PDE3B: variants seen among roughly 807,000 people sequenced by gnomAD.
PDE3B encodes phosphodiesterase 3B.
PDE3B carries 66 observed loss-of-function variants against 116.8 expected under a neutral mutation model. The ratio of observed to expected loss-of-function variants is 0.56; its 90% confidence interval spans 0.46 to 0.69. The LOEUF is 0.69. Among genes scored for constraint, PDE3B ranks in the 30% least tolerant of loss-of-function variants. PDE3B has a pLI of 0.00. For missense variants in PDE3B, 1,384 were observed against 1,368.1 expected (o/e 1.01, Z -0.18); for synonymous variants, 595 against 533.6 (o/e 1.12, Z -1.59).
At chr11:14,661,019 A>C (rs917116950) in intron 1 of PDE3B, among the ~76,000 whole-genome samples, 9 of 152,230 alleles carry the variant, frequency 5.9e-5, no homozygotes, top group Admixed American at 2.6e-4. Context: ...GTCAGGAAAC[A>C]ACAGGTGCTG....
At chr11:14,706,066 T>C (rs950982856) in intron 1 of PDE3B, among the ~76,000 whole-genome samples, 2 of 151,798 alleles carry the variant, frequency 1.3e-5, no homozygotes, top group African/African-American at 4.8e-5. Context: ...TGTTAGACTG[T>C]TGGAGTAAGT....
chr11:14,808,984 C>G (rs1859037476), intron 5 of PDE3B, among the ~76,000 whole-genome samples: 1 of 152,052 alleles, frequency 6.6e-6, no homozygotes, highest in South Asian at 2.1e-4. Context: ...TCAGCTTTGC[C>G]AAAATTGACA....
chr11:14,663,714 A>G (rs1854018996), intron 1 of PDE3B, among the ~76,000 whole-genome samples: 1 of 152,240 alleles, frequency 6.6e-6, no homozygotes, highest in South Asian at 2.1e-4. Flanking sequence ...CAACAAGAAG[A>G]GCTAACTATC....
At chr11:14,874,164 C>T (rs572138211), downstream of PDE3B, among the ~76,000 whole-genome samples, 5 of 152,216 alleles carry the variant, frequency 3.3e-5, no homozygotes, top group African/African-American at 1.2e-4. Flanking sequence ...CTTATGTTTT[C>T]TGGCTTGAAT....
chr11:14,856,125 G>A (rs1233669333), intron 12 of PDE3B, among the ~76,000 whole-genome samples: 1 of 152,198 alleles, frequency 6.6e-6, no homozygotes. Context: ...TAGTGAGGGA[G>A]TTGTCATGAG....
intron 14 of PDE3B, among the ~76,000 whole-genome samples, chr11:14,865,601 G>A (rs1379387976): frequency 6.6e-6 from 1 of 152,124 alleles, no homozygotes; most frequent in Non-Finnish European, 1.5e-5. Context: ...ATGCCGTACT[G>A]TATAATCATG....
chr11:14,664,835 G>T (rs528972206), intron 1 of PDE3B, among the ~76,000 whole-genome samples: 10 of 152,088 alleles, frequency 6.6e-5, no homozygotes, highest in Non-Finnish European at 1.5e-4. Flanking sequence ...TTATACCAGA[G>T]GTACAAGGAG....
At chr11:14,667,697 G>C (rs1854217454) in intron 1 of PDE3B, among the ~76,000 whole-genome samples, 1 of 151,332 alleles carries the variant, frequency 6.6e-6, no homozygotes, top group African/African-American at 2.4e-5. Context: ...GTGGGGTTGG[G>C]GGAGGGTGGA....
chr11:14,887,162 C>T, the PDE3B span: 1 of 152,138 alleles, frequency 6.6e-6, no homozygotes, highest in Non-Finnish European at 1.5e-5. Flanking sequence ...TTAGCAGAGA[C>T]AATAAAAAGA....
At position 14,672,277 on chromosome 11, in the gene PDE3B, C is replaced by A. The variant is rs546591862; in HGVS notation, c.978+27224C>A. On this transcript the variant is annotated intron_variant, in intron 1 of 15. Transcript: ENST00000282096. ...TTAAGTGAATTCATGAAACTTCTATCTGAACACAGGGCTTTTTATAGCTAT... is the reference window on the plus strand; with the variant it reads ...TTAAGTGAATTCATGAAACTTCTATATGAACACAGGGCTTTTTATAGCTAT... Among the ~76,000 whole-genome samples, 20 of 151,848 alleles carry A rather than the reference C, an allele frequency of 1.3e-4. 1 individual carries two copies. In the South Asian group the frequency reaches 4.2e-3, roughly 32 times the overall value.
At position 14,667,340 on chromosome 11, in the gene PDE3B, C is replaced by T. The variant is rs572123769; in HGVS notation, c.978+22287C>T. Among the ~76,000 whole-genome samples the T allele has an allele frequency of 1.3e-3, 198 of 150,752 alleles. 1 individual carries two copies. The highest frequency in any genetic ancestry group is 2.1e-3 in the African/African-American group (87 of 40,950). On this transcript the variant is annotated intron_variant, in intron 1 of 15. Transcript: ENST00000282096. ...AGGAGATACACCTAATGCTAAATGA[C>T]GAGTTAATGAGTGCAGCACACCAGC...
chr11:14,760,407 G>C (rs972934759), intron 1 of PDE3B, among the ~76,000 whole-genome samples: 1 of 152,070 alleles, frequency 6.6e-6, no homozygotes, highest in Non-Finnish European at 1.5e-5. Context: ...AATCAAAGTA[G>C]GAACAAATCA....
At chr11:14,662,084 C>T (rs887392745) in intron 1 of PDE3B, among the ~76,000 whole-genome samples, 9 of 152,130 alleles carry the variant, frequency 5.9e-5, no homozygotes, top group Non-Finnish European at 1.2e-4. Flanking sequence ...ACACTTCACA[C>T]GGCCGGGTAC....
At chr11:14,687,622 G>A (rs958248020) in intron 1 of PDE3B, among the ~76,000 whole-genome samples, 2 of 152,132 alleles carry the variant, frequency 1.3e-5, no homozygotes, top group African/African-American at 4.8e-5. Context: ...AGAGCAGATG[G>A]CAAGTTCCCA....
intron 5 of PDE3B, among the ~76,000 whole-genome samples, chr11:14,805,525 G>A (rs1858892240): frequency 6.6e-6 from 1 of 152,122 alleles, no homozygotes; most frequent in Non-Finnish European, 1.5e-5. Context: ...TGTAAATCAA[G>A]TCATTATGTT....
chr11:14,700,776 A>G (rs1220238203), intron 1 of PDE3B: 5 of 151,764 alleles, frequency 3.3e-5, no homozygotes, highest in Non-Finnish European at 7.4e-5. Context: ...TCTGCACTGT[A>G]TCATGTTTTA....
chr11:14,729,612 A>G (rs1856401317), intron 1 of PDE3B, among the ~76,000 whole-genome samples: 1 of 152,210 alleles, frequency 6.6e-6, no homozygotes, highest in South Asian at 2.1e-4. Context: ...TTCTGTTGAA[A>G]CATTTGTAAG....
the PDE3B span, among the ~76,000 whole-genome samples, chr11:14,893,053 G>A: frequency 1.3e-5 from 2 of 152,196 alleles, no homozygotes; most frequent in East Asian, 3.8e-4. Flanking sequence ...TCTAACAGCT[G>A]CCCTCTAATT....
chr11:14,838,233 C>T (rs1308294140), intron 11 of PDE3B, among the ~76,000 whole-genome samples: 1 of 152,020 alleles, frequency 6.6e-6, no homozygotes, highest in African/African-American at 2.4e-5. Context: ...CCCGCCTCGG[C>T]CTCCCAAAGT....
Sources: gnomAD v4.1 joint callset for allele counts (sites outside exome capture counted in the v4.1 genomes callset) on GRCh38, gnomAD v4.1.1 for gene constraint, MANE v1.5 for transcripts, NCBI Gene and HGNC (gene_info 2026-07-23, HGNC 2026-07-21) for gene names.